Variants in TRAPPC9 observed in about 807,000 individuals in gnomAD.
TRAPPC9 encodes the protein IKK2 binding protein.
TRAPPC9 carries 83 observed loss-of-function variants against 124.0 expected under a neutral mutation model. The observed-to-expected ratio is 0.67, with a 90% CI of 0.56 to 0.80. TRAPPC9 has a LOEUF of 0.80. TRAPPC9 is among the 30% of genes least tolerant of loss of function. The probability of loss-of-function intolerance (pLI) is 0.00; values close to 1 mark genes in which losing one functional copy is unlikely to be tolerated. For synonymous variants in TRAPPC9, 638 were observed against 617.5 expected, an observed-to-expected ratio of 1.03 and a Z score of -0.49; for missense variants, 1,302 against 1,508.3, an observed-to-expected ratio of 0.86 and a Z score of 2.27.
chr8:140,252,907 C>G lies in TRAPPC9; in HGVS notation c.2301G>C (p.Leu767Phe), dbSNP rs746020947. 1.9e-6 allele frequency: 3 copies of G among 1,613,986 alleles called. No individual in the cohort carries two copies. Among genetic ancestry groups the G allele is most frequent in the South Asian group, 2.2e-5 (2 of 91,078 alleles). Reference protein sequence around the residue: ...TTKEKLYGDFLSWKLEETLAQ... With the variant: ...TTKEKLYGDFFSWKLEETLAQ... ...CAAGGGTTTCCTCTAGCTTCCAGCT[C>G]AAGAAGTCGCCATACAATTTTTCTG... Residue 767 changes from leucine to phenylalanine, a missense_variant, in exon 16 of 23, where the codon TTG becomes TTC. This residue lies in a region of TRAPPC9 where 640 missense variants were observed against 679.3 expected (regional missense o/e 0.94). Coordinates refer to ENST00000438773, the MANE Select transcript of TRAPPC9 (RefSeq NM_001160372.4). The surrounding 1 kb of genome is among the most constrained non-coding windows in gnomAD (Gnocchi z 4.2).
intron 7 of TRAPPC9, among the ~76,000 whole-genome samples, chr8:140,383,967 G>A (rs1441002160): frequency 4.6e-5 from 7 of 152,084 alleles, no homozygotes; most frequent in African/African-American, 9.7e-5. Context: ...CGGATCTCTC[G>A]GCAGAAACTC....
Position 140,439,081 on chromosome 8 carries a change from C to A in TRAPPC9, c.701G>T (p.Arg234Leu). The A allele has an allele frequency of 3.1e-6, 5 of 1,614,192 alleles. No homozygotes were observed. The highest frequency in any genetic ancestry group is 4.2e-6 in the Non-Finnish European group (5 of 1,180,030). ...VHYHMSVELL[R>L]SVNDFLWLGA... ...AAGCCACAGAAAGTCATTCACAGAA[C>A]GCAGCAGCTCCACCGACATGTGGTA... The change falls in exon 3 of 23, where the codon CGT (arginine) becomes CTT (leucine). Residue 234 changes from arginine to leucine, a missense_variant. This residue lies in a region of TRAPPC9 where 657 missense variants were observed against 811.2 expected (regional missense o/e 0.81). Coordinates refer to ENST00000438773, the MANE Select transcript of TRAPPC9 (RefSeq NM_001160372.4).
chr8:140,075,745 G>GT (rs1427205624), intron 17 of TRAPPC9, among the ~76,000 whole-genome samples: 1 of 152,204 alleles, frequency 6.6e-6, no homozygotes, highest in East Asian at 1.9e-4. Context: ...GCCCTTCACT[G>GT]TAGAGGCATC....
At chr8:140,011,670 ATTT>A (rs56884853) in intron 18 of TRAPPC9, among the ~76,000 whole-genome samples, 654 of 62,634 alleles carry the variant, frequency 0.01, 13 homozygotes, top group East Asian at 0.047. Context: ...CACCCAGCTA[ATTT>A]TTTTTTTTTT....
chr8:139,990,605 T>G (rs1286797044), intron 18 of TRAPPC9, among the ~76,000 whole-genome samples: 1 of 151,898 alleles, frequency 6.6e-6, no homozygotes, highest in Non-Finnish European at 1.5e-5. Context: ...TTTTTTTTTT[T>G]GACAGAGTCT....
chr8:140,023,062 C>T (rs1006525871), intron 18 of TRAPPC9, among the ~76,000 whole-genome samples: 2 of 152,152 alleles, frequency 1.3e-5, no homozygotes, highest in Non-Finnish European at 2.9e-5. Context: ...CCGCCCCCTT[C>T]GAGGATAGAC....
rs1421216349 is a variant in TRAPPC9, at chr8:140,171,221, T to C, written c.2556+50238A>G. On this transcript the variant is annotated intron_variant, in intron 17 of 22. Coordinates refer to ENST00000438773, the MANE Select transcript of TRAPPC9 (RefSeq NM_001160372.4). ...AACAACCAAAATATCCTCTTCAATC[T>C]TAATATTCTTATGCATAAACATTAC... Among the ~76,000 whole-genome samples the C allele has an allele frequency of 2.0e-5, 3 of 152,162 alleles. No homozygotes were observed. In the East Asian group the frequency reaches 5.8e-4, roughly 29 times the overall value.
chr8:140,060,846 C>T (rs1842566718), intron 17 of TRAPPC9, among the ~76,000 whole-genome samples: 1 of 152,226 alleles, frequency 6.6e-6, no homozygotes. Flanking sequence ...TCATGGCAGA[C>T]CCAGTGTGCT....
chr8:140,192,890 G>C (rs1466361835), intron 17 of TRAPPC9, among the ~76,000 whole-genome samples: 2 of 152,164 alleles, frequency 1.3e-5, no homozygotes, highest in Non-Finnish European at 2.9e-5. Flanking sequence ...TGATTCTCCT[G>C]CCTCAGCCTC....
At chr8:140,183,185 G>A (rs1040712977) in intron 17 of TRAPPC9, among the ~76,000 whole-genome samples, 2 of 152,214 alleles carry the variant, frequency 1.3e-5, no homozygotes, top group African/African-American at 4.8e-5. Flanking sequence ...CAGGCACTGT[G>A]TTGGGCACTG....
intron 8 of TRAPPC9, among the ~76,000 whole-genome samples, chr8:140,366,821 G>C (rs568076908): frequency 2.6e-5 from 4 of 152,196 alleles, no homozygotes; most frequent in Non-Finnish European, 5.9e-5. Context: ...ATTTGCAAAA[G>C]ACACAACTGA....
chr8:140,090,661 G>A (rs912525210), intron 17 of TRAPPC9, among the ~76,000 whole-genome samples: 3 of 152,144 alleles, frequency 2.0e-5, no homozygotes, highest in Admixed American at 1.3e-4. Context: ...CCTGAAAATC[G>A]CCATCCCCCA....
intron 6 of TRAPPC9, among the ~76,000 whole-genome samples, chr8:140,398,447 G>A (rs1487761785): frequency 6.6e-6 from 1 of 152,174 alleles, no homozygotes; most frequent in Non-Finnish European, 1.5e-5. Flanking sequence ...TATGGACAAT[G>A]AAATGAACAA....
intron 19 of TRAPPC9, chr8:139,931,468 C>T (rs1833137622): frequency 6.6e-6 from 1 of 152,368 alleles, no homozygotes; most frequent in South Asian, 2.1e-4. Context: ...CCCACTGGAA[C>T]CCTGTCTGTG....
intron 21 of TRAPPC9, among the ~76,000 whole-genome samples, chr8:139,867,519 CAAG>C (rs895154295): frequency 1.1e-4 from 17 of 152,276 alleles, no homozygotes; most frequent in African/African-American, 4.1e-4. Context: ...AACAAAGAGA[CAAG>C]GAGTAGCTTT....
intron 21 of TRAPPC9, among the ~76,000 whole-genome samples, chr8:139,790,378 T>G (rs1213154688): frequency 6.6e-6 from 1 of 152,024 alleles, no homozygotes; most frequent in Non-Finnish European, 1.5e-5. Flanking sequence ...GGGGAGCGCT[T>G]TGTTCTTCAG....
intron 19 of TRAPPC9, among the ~76,000 whole-genome samples, chr8:139,988,076 C>A (rs1837361483): frequency 6.6e-6 from 1 of 150,984 alleles, no homozygotes; most frequent in Non-Finnish European, 1.5e-5. Context: ...AGTTCCCAGA[C>A]TGATGCCAAA....
intron 21 of TRAPPC9, among the ~76,000 whole-genome samples, chr8:139,809,753 C>A (rs1824309529): frequency 6.6e-6 from 1 of 152,116 alleles, no homozygotes; most frequent in South Asian, 2.1e-4. Flanking sequence ...CAAGAGCCAA[C>A]CCCCACCTCA....
chr8:140,312,845 C>T (rs1300367168), intron 9 of TRAPPC9, among the ~76,000 whole-genome samples: 1 of 151,726 alleles, frequency 6.6e-6, no homozygotes, highest in Non-Finnish European at 1.5e-5. Flanking sequence ...CTGCAACCTC[C>T]GCCTCCCAGG....
Sources: gnomAD v4.1 joint callset for allele counts (sites outside exome capture counted in the v4.1 genomes callset) on GRCh38, gnomAD v4.1.1 for gene constraint, gnomAD v4.1.1 regional missense constraint, Gnocchi (gnomAD v3.1) non-coding constraint, MANE v1.5 for transcripts, NCBI Gene and HGNC (gene_info 2026-07-23, HGNC 2026-07-21) for gene names.